The following CTNNA2 variants were observed in gnomAD, a reference collection of about 807,000 sequenced individuals.
CTNNA2 encodes the protein catenin alpha 2, also known as catenin alpha-2.
In CTNNA2, 42 loss-of-function variants were observed where a neutral mutation model predicts 101.0. The ratio of observed to expected loss-of-function variants is 0.42; its 90% CI spans 0.32 to 0.54. The LOEUF (loss-of-function observed/expected upper bound fraction) is 0.54, where lower values mean the gene tolerates loss of function less well. CTNNA2 is among the 20% of genes least tolerant of loss of function. The pLI, the probability that CTNNA2 is intolerant of heterozygous loss-of-function variation, is 0.14. For synonymous variants in CTNNA2, 450 were observed against 456.4 expected, an observed-to-expected ratio of 0.99 and a Z score of 0.18; for missense variants, 871 against 1,223.1, an observed-to-expected ratio of 0.71 and a Z score of 4.29.
intron 16 of CTNNA2, among the ~76,000 whole-genome samples, chr2:80,607,686 T>C (rs1210620558): frequency 2.0e-5 from 3 of 151,876 alleles, no homozygotes; most frequent in South Asian, 2.1e-4. Flanking sequence ...GTGTAATAGA[T>C]TTTTTATAAG....
rs780739249 is a variant in CTNNA2 at position 80,566,986 on chromosome 2, A to AC, written c.1742-7174dup. Among the ~76,000 whole-genome samples, 72 of 152,234 alleles carry AC rather than the reference A, an allele frequency of 4.7e-4. No homozygotes were observed. The Middle Eastern group carries it at 0.014, about 29-fold the overall frequency. ...AGTGAAAGCTCTGAACAGTGTACGA[A>AC]CCCTTAGCCAAGGGCTTTAATGAGA... is the stretch of plus-strand genomic sequence containing the variant. On this transcript the variant is annotated intron_variant, in intron 12 of 18. Coordinates refer to ENST00000402739, the MANE Select transcript of CTNNA2 (RefSeq NM_001282597.3).
chr2:80,401,088 A>G (rs1678504416), intron 8 of CTNNA2, among the ~76,000 whole-genome samples: 1 of 152,220 alleles, frequency 6.6e-6, no homozygotes, highest in Non-Finnish European at 1.5e-5. Flanking sequence ...GGATTTATCC[A>G]GTAGACTCCC....
intron 2 of CTNNA2, among the ~76,000 whole-genome samples, chr2:79,264,574 A>G (rs1319017005): frequency 6.6e-6 from 1 of 152,158 alleles, no homozygotes; most frequent in Non-Finnish European, 1.5e-5. Context: ...TGAAATGACC[A>G]GACTGAGTGA....
chr2:79,801,948 T>C (rs1222495240), intron 3 of CTNNA2, among the ~76,000 whole-genome samples: 4 of 134,456 alleles, frequency 3.0e-5, no homozygotes, highest in African/African-American at 1.2e-4. Flanking sequence ...GCCAAGATCA[T>C]GCCATTGCAC....
At chr2:80,072,744 G>A (rs1482950370) in intron 7 of CTNNA2, among the ~76,000 whole-genome samples, 5 of 152,164 alleles carry the variant, frequency 3.3e-5, no homozygotes, top group Non-Finnish European at 7.3e-5. Flanking sequence ...GGAAGGTGGA[G>A]CAGAGCAGCG....
intron 14 of CTNNA2, among the ~76,000 whole-genome samples, chr2:80,584,299 G>A (rs764547374): frequency 6.6e-6 from 1 of 152,030 alleles, no homozygotes; most frequent in Non-Finnish European, 1.5e-5. Context: ...AAGAAGGTTT[G>A]AGTGGGAGAT....
chr2:79,708,019 A>G (rs946838003), intron 2 of CTNNA2, among the ~76,000 whole-genome samples: 1 of 152,204 alleles, frequency 6.6e-6, no homozygotes, highest in Non-Finnish European at 1.5e-5. Context: ...ATTAACCAGT[A>G]AATTATTAAA....
At chr2:80,035,610 G>T (rs1302525466) in intron 7 of CTNNA2, among the ~76,000 whole-genome samples, 1 of 152,062 alleles carries the variant, frequency 6.6e-6, no homozygotes. Context: ...ATTGAAAGGG[G>T]ACAGCATCAC....
chr2:79,832,116 C>A (rs1229107607), intron 3 of CTNNA2, among the ~76,000 whole-genome samples: 1 of 152,080 alleles, frequency 6.6e-6, no homozygotes, highest in Non-Finnish European at 1.5e-5. Flanking sequence ...TGAGATACCC[C>A]CAACTTCAAT....
At chr2:79,320,673 A>T (rs1271448647) in intron 3 of CTNNA2, among the ~76,000 whole-genome samples, 1 of 152,154 alleles carries the variant, frequency 6.6e-6, no homozygotes, top group Non-Finnish European at 1.5e-5. Context: ...CATGTGTGAG[A>T]TGATCACAGG....
At chr2:79,655,739 G>A (rs1681564777) in intron 2 of CTNNA2, among the ~76,000 whole-genome samples, 1 of 151,090 alleles carries the variant, frequency 6.6e-6, no homozygotes, top group Non-Finnish European at 1.5e-5. Context: ...TGAGGCAGGA[G>A]AATCACTTGA....
chr2:79,795,557 T>G (rs1558935893), intron 3 of CTNNA2, among the ~76,000 whole-genome samples: 1 of 152,154 alleles, frequency 6.6e-6, no homozygotes, highest in Non-Finnish European at 1.5e-5. Context: ...AATTTGTTTA[T>G]GAAAAGAAAT....
chr2:80,303,853 T>C lies in CTNNA2; in HGVS notation c.1057-89358T>C, dbSNP rs1179822965. 6.7e-7 allele frequency: 1 copy of C among 1,485,208 alleles called. No homozygotes were observed. 92.0% of individuals were successfully genotyped at this position (1,485,208 alleles called of 1,614,324 possible). ...ATCTTTCCAGAGAGACTGGAGAATG[T>C]CCATTGGAAGCGCTCGGTCAGAAAT... On this transcript the variant is annotated intron_variant, in intron 7 of 18. Coordinates refer to ENST00000402739, the MANE Select transcript of CTNNA2 (RefSeq NM_001282597.3). The surrounding 1 kb of genome is among the most constrained non-coding windows in gnomAD (Gnocchi z 7.7).
chr2:79,264,343 A>C (rs1674962838), intron 2 of CTNNA2, among the ~76,000 whole-genome samples: 1 of 152,144 alleles, frequency 6.6e-6, no homozygotes, highest in Non-Finnish European at 1.5e-5. Context: ...TAAAATACGC[A>C]TTTTTTAATA....
intron 7 of CTNNA2, among the ~76,000 whole-genome samples, chr2:80,100,048 G>A (rs1700446209): frequency 6.6e-6 from 1 of 152,090 alleles, no homozygotes; most frequent in South Asian, 2.1e-4. Context: ...TCCTGCCCCA[G>A]CCTCCCAAGT....
chr2:79,951,027 C>T lies in CTNNA2; in HGVS notation c.1056+41230C>T, dbSNP rs577568751. On this transcript the variant is annotated intron_variant, in intron 7 of 18. Coordinates refer to ENST00000402739, the MANE Select transcript of CTNNA2 (RefSeq NM_001282597.3). ...TATATAATTTATTCAGCCCCTCTGTCCTTAAAATCATTATCCTCTGTTGGC... is the reference window on the plus strand; with the variant it reads ...TATATAATTTATTCAGCCCCTCTGTTCTTAAAATCATTATCCTCTGTTGGC... Among the ~76,000 whole-genome samples, 190 of 152,244 alleles carry T rather than the reference C, an allele frequency of 1.2e-3. 1 individual carries two copies. The highest frequency in any genetic ancestry group is 4.3e-3 in the African/African-American group (179 of 41,552).
chr2:80,137,697 T>A (rs1273788167), intron 7 of CTNNA2, among the ~76,000 whole-genome samples: 2 of 151,562 alleles, frequency 1.3e-5, no homozygotes, highest in African/African-American at 4.8e-5. Flanking sequence ...CACATAGGAA[T>A]CCATGGGATG....
chr2:80,485,808 A>T (rs549829105), intron 9 of CTNNA2, among the ~76,000 whole-genome samples: 1 of 152,220 alleles, frequency 6.6e-6, no homozygotes, highest in South Asian at 2.1e-4. Flanking sequence ...CAATTTAAAC[A>T]TACATCAGCC....
chr2:80,477,039 A>C (rs13426500), intron 9 of CTNNA2, among the ~76,000 whole-genome samples: 1 of 152,192 alleles, frequency 6.6e-6, no homozygotes, highest in Admixed American at 6.6e-5. Flanking sequence ...TACTATTTAG[A>C]GTATATTGGG....
Sources: allele counts gnomAD v4.1 joint callset (sites outside exome capture counted in the v4.1 genomes callset), GRCh38; gene constraint gnomAD v4.1.1; non-coding constraint Gnocchi (gnomAD v3.1); transcripts MANE v1.5; gene names NCBI Gene and HGNC (gene_info 2026-07-23, HGNC 2026-07-21).